ETFB: variants seen among roughly 807,000 people sequenced by gnomAD.
ETFB encodes the protein beta-ETF.
In ETFB, 20 loss-of-function variants were observed where a neutral mutation model predicts 25.6. The ratio of observed to expected loss-of-function variants is 0.78; its 90% CI spans 0.55 to 1.14. ETFB has a LOEUF of 1.14. Ranked by LOEUF, ETFB falls within the 50% of genes most tolerant of loss-of-function variation. ETFB has a pLI of 0.00. For missense variants in ETFB, 286 were observed against 342.6 expected (o/e 0.83, Z 1.30); for synonymous variants, 142 against 146.7 (o/e 0.97, Z 0.23).
chr19:51,361,032 G>A (rs572785377), intron 1 of ETFB, among the ~76,000 whole-genome samples: 143 of 152,092 alleles, frequency 9.4e-4, no homozygotes, highest in Middle Eastern at 3.4e-3. Flanking sequence ...TGATCCACCC[G>A]CCTCAGCCTC....
At chr19:51,345,552 C>T (rs1003891633) in intron 5 of ETFB, 171 bp from the exon 6 acceptor site, 1 of 691,558 alleles carries the variant, frequency 1.4e-6, no homozygotes, top group Non-Finnish European at 2.6e-6. Flanking sequence ...CTGGTGTGGA[C>T]AACTCCTGCT....
intron 1 of ETFB, among the ~76,000 whole-genome samples, chr19:51,362,321 T>C (rs1166405934): frequency 6.6e-6 from 1 of 152,152 alleles, no homozygotes; most frequent in Non-Finnish European, 1.5e-5. Flanking sequence ...CTCACACCTG[T>C]AATCCCAGCA....
intron 1 of ETFB, among the ~76,000 whole-genome samples, chr19:51,358,947 C>G (rs1314896222): frequency 6.6e-6 from 1 of 151,716 alleles, no homozygotes; most frequent in Non-Finnish European, 1.5e-5. Context: ...TGCAGTGAGC[C>G]GTGATCATGC....
chr19:51,346,911 G>A lies in ETFB; in HGVS notation c.586C>T (p.Pro196Ser). The change falls in exon 5 of 6, where the codon CCC (proline) becomes TCC (serine). Residue 196 changes from proline (P) to serine (S), a missense_variant. Transcript: ENST00000309244. The stretch of plus-strand genomic sequence containing the variant: ...GGCCAGGGGCTCACCATGATGTTGG[G>A]CAGCGTGGCGTAGCGGGGCTCGTTG... ...RLNEPRYATL[P>S]NIMKAKKKKI... 6.4e-7 allele frequency: 1 copy of A among 1,554,484 alleles called. No homozygotes were observed. Among genetic ancestry groups the A allele is most frequent in the Non-Finnish European group, 8.7e-7 (1 of 1,149,084 alleles).
chr19:51,361,596 A>T (rs1339080528), intron 1 of ETFB: 1 of 151,692 alleles, frequency 6.6e-6, no homozygotes, highest in Admixed American at 6.6e-5. Context: ...GGGCCCCGAG[A>T]TGGAAACACG....
At chr19:51,352,709 C>T (rs1214477008) in intron 3 of ETFB, among the ~76,000 whole-genome samples, 1 of 152,114 alleles carries the variant, frequency 6.6e-6, no homozygotes, top group Non-Finnish European at 1.5e-5. Context: ...ATCACTGCAA[C>T]CTCCGCCTCC....
rs765255418 is a variant in ETFB at position 51,345,289 on chromosome 19, C to T, written c.690G>A (p.Pro230=). The T allele has an allele frequency of 6.8e-6, 11 of 1,614,128 alleles. No individual in the cohort carries two copies. Among genetic ancestry groups the T allele is most frequent in the Non-Finnish European group, 9.3e-6 (11 of 1,180,018 alleles). Residue 230 remains proline, a synonymous_variant, in exon 6 of 6, where the codon CCG becomes CCA. Coordinates refer to ENST00000309244, the MANE Select transcript of ETFB (RefSeq NM_001985.3). ...SKLSVISVED[P]PQRTAGVKVE... ...CCTTGACGCCGGCCGTGCGCTGGGGCGGGTCCTCCACACTGATCACAGAGA... is the reference window on the plus strand; with the variant it reads ...CCTTGACGCCGGCCGTGCGCTGGGGTGGGTCCTCCACACTGATCACAGAGA...
In ETFB at chr19:51,366,351, G is replaced by C; in HGVS notation, c.-25C>G. 1 of 1,610,910 alleles carries C rather than the reference G, an allele frequency of 6.2e-7. No individual in the cohort carries two copies. The highest frequency in any genetic ancestry group is 8.5e-7 in the Non-Finnish European group (1 of 1,179,258). On this transcript the variant is annotated 5_prime_UTR_variant, in exon 1 of 6. Transcript: ENST00000309244. ...TCTTCCCGCCGCAGCCACTTACAGG[G>C]TCAGCCCGCACCCTCAGCGGCTCAG...
intron 1 of ETFB, among the ~76,000 whole-genome samples, chr19:51,360,557 C>T (rs1329945624): frequency 6.6e-6 from 1 of 152,162 alleles, no homozygotes; most frequent in Non-Finnish European, 1.5e-5. Flanking sequence ...ACAGATGAGG[C>T]AACTGAGGCA....
chr19:51,366,153 G>A (rs1453939317), intron 1 of ETFB, 117 bp downstream of exon 1: 3 of 1,021,072 alleles, frequency 2.9e-6, no homozygotes, highest in Non-Finnish European at 4.6e-6. Flanking sequence ...TTGACGTTTG[G>A]GGGTTAAAGC....
intron 1 of ETFB, among the ~76,000 whole-genome samples, chr19:51,363,714 G>A (rs12610907): frequency 0.44 from 67,148 of 152,056 alleles, 17,212 homozygotes; most frequent in Non-Finnish European, 0.58. Flanking sequence ...CTCACAAAGT[G>A]CAGGGATTAG....
At chr19:51,345,800 G>A (rs112974874) in intron 5 of ETFB, 16 of 309,776 alleles carry the variant, frequency 5.2e-5, no homozygotes, top group Non-Finnish European at 8.8e-5. Context: ...GAGATGATGC[G>A]CTGAACCCTC....
chr19:51,350,835 C>T (rs894227717), intron 3 of ETFB, among the ~76,000 whole-genome samples: 10 of 152,206 alleles, frequency 6.6e-5, no homozygotes, highest in African/African-American at 2.4e-4. Flanking sequence ...GCAGGTCATA[C>T]GGTCTCTGTC....
At position 51,350,034 on chromosome 19, in the gene ETFB, C is replaced by G. The variant is rs1974823; in HGVS notation, c.438+295G>C. Among the ~76,000 whole-genome samples the G allele has an allele frequency of 0.87, 132,386 of 152,234 alleles. 58,127 individuals carry two copies. The highest frequency in any genetic ancestry group is 0.94 in the African/African-American group (39,255 of 41,550). ...CAAAGTGCTGGGATTACAGGCATGA[C>G]TCACCATGCCTGGCCCCAGCCTGCA... On this transcript the variant is annotated intron_variant, in intron 4 of 5. Transcript: ENST00000309244.
intron 1 of ETFB, chr19:51,365,619 G>C (rs1478511681): frequency 1.3e-5 from 2 of 151,018 alleles, no homozygotes; most frequent in African/African-American, 5.3e-5. Flanking sequence ...GCTTCCCTCT[G>C]GGGACAACAA....
At chr19:51,359,708 T>C (rs1272309849) in intron 1 of ETFB, among the ~76,000 whole-genome samples, 2 of 152,144 alleles carry the variant, frequency 1.3e-5, no homozygotes, top group Non-Finnish European at 2.9e-5. Flanking sequence ...GAAACAATGG[T>C]AGGGCTGAAA....
At chr19:51,351,501 G>C (rs1242681359) in intron 3 of ETFB, among the ~76,000 whole-genome samples, 1 of 152,226 alleles carries the variant, frequency 6.6e-6, no homozygotes, top group Non-Finnish European at 1.5e-5. Flanking sequence ...CCCAGCTGGA[G>C]GCCCTGGCCC....
chr19:51,346,799 C>T, intron 5 of ETFB, 101 bp downstream of exon 5: 1 of 1,239,290 alleles, frequency 8.1e-7, no homozygotes, highest in East Asian at 2.6e-5. Context: ...ACGAGACCTC[C>T]TTTGGATCCT....
At chr19:51,347,172 C>T (rs551972418) in intron 4 of ETFB, 114 bp from the exon 5 acceptor site, 67 of 1,076,730 alleles carry the variant, frequency 6.2e-5, no homozygotes, top group Middle Eastern at 6.0e-4. Flanking sequence ...AATGAGGGAG[C>T]GAACAATGCA....
Sources: gnomAD v4.1 joint callset for allele counts (sites outside exome capture counted in the v4.1 genomes callset) on GRCh38, gnomAD v4.1.1 for gene constraint, MANE v1.5 for transcripts, NCBI Gene and HGNC (gene_info 2026-07-23, HGNC 2026-07-21) for gene names.